The following EYS variants were observed in gnomAD, a reference collection of about 807,000 sequenced individuals.
The protein encoded by EYS is EGF-like photoreceptor maintenance factor.
A neutral mutation model predicts 282.1 loss-of-function variants in EYS; 250 were observed. That is an observed-to-expected ratio of 0.89 (90% CI 0.80 to 0.98). The LOEUF (loss-of-function observed/expected upper bound fraction) is 0.98. Among genes scored for constraint, EYS ranks in the 50% least tolerant of loss-of-function variants. EYS has a pLI of 0.00. For synonymous variants in EYS, 1,355 were observed against 1,282.9 expected, an observed-to-expected ratio of 1.06 and a Z score of -1.20; for missense variants, 4,016 against 3,709.0, an observed-to-expected ratio of 1.08 and a Z score of -2.15.
At chr6:65,519,537 A>G (rs1767269482) in intron 2 of EYS, among the ~76,000 whole-genome samples, 1 of 149,386 alleles carries the variant, frequency 6.7e-6, no homozygotes, top group South Asian at 2.1e-4. Context: ...ACTTAATAAT[A>G]GAATACTAAA....
intron 12 of EYS, among the ~76,000 whole-genome samples, chr6:65,087,139 C>G (rs376750511): frequency 1.3e-5 from 2 of 151,936 alleles, no homozygotes; most frequent in Non-Finnish European, 2.9e-5. Context: ...TATTTTTTAA[C>G]GCGGTAACAT....
At chr6:65,353,664 T>A (rs1480593144) in intron 8 of EYS, 47 bp from the exon 9 acceptor site, 1 of 1,514,188 alleles carries the variant, frequency 6.6e-7, no homozygotes, top group Admixed American at 1.7e-5. Context: ...TTTTGATATA[T>A]TTTTCAATAT....
intron 26 of EYS, among the ~76,000 whole-genome samples, chr6:64,452,394 G>A (rs1007121957): frequency 6.6e-6 from 1 of 152,138 alleles, no homozygotes; most frequent in Non-Finnish European, 1.5e-5. Context: ...CCATGCTCAT[G>A]GGTAGGAAGA....
At chr6:63,751,181 C>T (rs1032599514) in intron 41 of EYS, among the ~76,000 whole-genome samples, 1 of 152,080 alleles carries the variant, frequency 6.6e-6, no homozygotes, top group African/African-American at 2.4e-5. Context: ...TAGTCTATGT[C>T]ATAAACAGGT....
intron 28 of EYS, among the ~76,000 whole-genome samples, chr6:64,393,180 A>G (rs1773218668): frequency 6.6e-6 from 1 of 152,204 alleles, no homozygotes; most frequent in South Asian, 2.1e-4. Flanking sequence ...AGAGGGATTC[A>G]CAGCCGAATT....
intron 2 of EYS, among the ~76,000 whole-genome samples, chr6:65,563,433 T>C (rs1769141522): frequency 6.6e-6 from 1 of 152,118 alleles, no homozygotes; most frequent in African/African-American, 2.4e-5. Context: ...TAATTTAATA[T>C]TCAGCTACAT....
At chr6:64,324,478 A>T (rs866968826) in intron 29 of EYS, among the ~76,000 whole-genome samples, 2 of 152,214 alleles carry the variant, frequency 1.3e-5, no homozygotes, top group Admixed American at 6.5e-5. Flanking sequence ...TTGAAGAAAC[A>T]TACCTCAGAA....
At chr6:63,765,941 C>T (rs1769778365) in intron 40 of EYS, among the ~76,000 whole-genome samples, 1 of 151,968 alleles carries the variant, frequency 6.6e-6, no homozygotes, top group South Asian at 2.1e-4. Context: ...TTTCAAGTGA[C>T]ATGACAGGTG....
In EYS at chr6:65,475,865, T is replaced by C. The variant is rs564921880; in HGVS notation, c.862+14729A>G. 5.3e-5 allele frequency among the ~76,000 whole-genome samples: 8 copies of C among 152,200 alleles called. No homozygotes were observed. The South Asian group carries it at 1.7e-3, about 32-fold the overall frequency. On this transcript the variant is annotated intron_variant, in intron 5 of 42. Coordinates refer to ENST00000503581, the MANE Select transcript of EYS (RefSeq NM_001142800.2). ...GGAGTAATTAAATTTATTCCATTTTTAAAATCTTAGACTCAGAAAATAATA... is the reference window on the plus strand; with the variant it reads ...GGAGTAATTAAATTTATTCCATTTTCAAAATCTTAGACTCAGAAAATAATA...
chr6:64,388,587 T>C (rs746166951), intron 29 of EYS, 103 bp downstream of exon 29: 32 of 1,148,126 alleles, frequency 2.8e-5, no homozygotes, highest in Non-Finnish European at 3.6e-5. Context: ...ATGGCCCCAC[T>C]AGCCAGAAAA....
chr6:63,772,389 G>GAAA (rs1269162729), intron 40 of EYS, among the ~76,000 whole-genome samples: 4 of 152,028 alleles, frequency 2.6e-5, no homozygotes, highest in Admixed American at 2.6e-4. Context: ...CTTTCATGCT[G>GAAA]AAAATTCTAG....
intron 5 of EYS, among the ~76,000 whole-genome samples, chr6:65,463,799 T>G (rs2150411304): frequency 6.6e-6 from 1 of 152,250 alleles, no homozygotes; most frequent in Admixed American, 6.6e-5. Flanking sequence ...CATTTATGCC[T>G]AGTGTTCCAT....
chr6:64,248,183 TTGTGTGTGTGTGTGTG>T (rs10589491), intron 30 of EYS, among the ~76,000 whole-genome samples: 8 of 146,404 alleles, frequency 5.5e-5, no homozygotes, highest in South Asian at 2.2e-4. Flanking sequence ...CAGAAGAAGC[TTGTGTGTGTGTGTGTG>T]TGTGTGTGTG....
intron 12 of EYS, among the ~76,000 whole-genome samples, chr6:65,149,222 TA>T (rs1764553546): frequency 6.6e-6 from 1 of 152,138 alleles, no homozygotes; most frequent in African/African-American, 2.4e-5. Context: ...TCTAAATTTT[TA>T]TGCTCTGCTT....
In EYS at chr6:65,152,099, T is replaced by C. The variant is rs150759928; in HGVS notation, c.2024-94372A>G. Among the ~76,000 whole-genome samples the C allele has an allele frequency of 1.5e-4, 23 of 152,114 alleles. No homozygotes were observed. The East Asian group carries it at 3.7e-3, about 24-fold the overall frequency. ...CACGAACCAGCATAATATTTCCTAA[T>C]GTTGTTCTTCATAGTTGCACCCATT... On this transcript the variant is annotated intron_variant, in intron 12 of 42. Transcript: ENST00000503581.
At chr6:64,587,589 T>C (rs993393538) in intron 26 of EYS, among the ~76,000 whole-genome samples, 2 of 152,030 alleles carry the variant, frequency 1.3e-5, no homozygotes, top group African/African-American at 4.8e-5. Context: ...TTTAATGCCA[T>C]TTAGTGTTAG....
In EYS at chr6:64,822,606, A is replaced by C. The variant is rs147764984; in HGVS notation, c.3164+45T>G. On this transcript the variant is annotated intron_variant, in intron 20 of 42. Coordinates refer to ENST00000503581, the MANE Select transcript of EYS (RefSeq NM_001142800.2). The stretch of plus-strand genomic sequence containing the variant: ...TTGATGTTAAGTCTTAAATATTGTG[A>C]GTTAAATATACTTTCATAAAGCTAA... The C allele has an allele frequency of 2.3e-3, 3,270 of 1,394,686 alleles. 62 individuals are homozygous for C. The African/African-American group carries it at 0.04, about 17-fold the overall frequency. The allele number at this position is 1,394,686 out of a possible 1,614,324, so 86.4% of individuals were successfully genotyped here. A position where few individuals can be genotyped will look rare whatever the true frequency, so the allele number is the denominator to read the frequency against.
intron 33 of EYS, among the ~76,000 whole-genome samples, chr6:64,003,966 G>A (rs970382057): frequency 1.3e-5 from 2 of 152,174 alleles, no homozygotes; most frequent in South Asian, 4.1e-4. Flanking sequence ...ATGCCGAACT[G>A]TGAGTCAATT....
At chr6:64,963,573 A>T (rs1228112590) in intron 14 of EYS, among the ~76,000 whole-genome samples, 1 of 152,186 alleles carries the variant, frequency 6.6e-6, no homozygotes, top group African/African-American at 2.4e-5. Context: ...GATGCAATAA[A>T]TGTGTGCACG....
Sources: gnomAD v4.1 joint callset for allele counts (sites outside exome capture counted in the v4.1 genomes callset) on GRCh38, gnomAD v4.1.1 for gene constraint, MANE v1.5 for transcripts, NCBI Gene and HGNC (gene_info 2026-07-23, HGNC 2026-07-21) for gene names.